The following OCA2 variants were observed in gnomAD, a reference collection of about 807,000 sequenced individuals.
OCA2 encodes P protein.
OCA2 carries 77 observed loss-of-function variants against 100.2 expected under a neutral mutation model. The ratio of observed to expected loss-of-function variants is 0.77; its 90% CI spans 0.64 to 0.93. The LOEUF is 0.93. Among genes scored for constraint, OCA2 ranks in the 40% least tolerant of loss-of-function variants. The pLI is 0.00. For missense variants in OCA2, 1,062 were observed against 1,089.1 expected, an observed-to-expected ratio of 0.98 and a Z score of 0.35; for synonymous variants, 432 against 439.2, an observed-to-expected ratio of 0.98 and a Z score of 0.21.
intron 4 of OCA2, 80 bp downstream of exon 4, chr15:28,027,791 G>C: frequency 1.4e-6 from 2 of 1,430,946 alleles, no homozygotes; most frequent in Non-Finnish European, 1.9e-6. Flanking sequence ...CACGCTGCTG[G>C]TTTGAAAGAT....
intron 22 of OCA2, among the ~76,000 whole-genome samples, chr15:27,847,345 T>C (rs2035575366): frequency 6.6e-6 from 1 of 152,022 alleles, no homozygotes; most frequent in Non-Finnish European, 1.5e-5. Context: ...TCTCGGCCTC[T>C]CCCTCCCCTC....
At chr15:27,814,885 TAGATAG>T (rs2034221061) in intron 23 of OCA2, among the ~76,000 whole-genome samples, 17 of 32,986 alleles carry the variant, frequency 5.2e-4, no homozygotes, top group Admixed American at 4.3e-3. Context: ...TCTCTCTCTA[TAGATAG>T]ATAGATAGAT....
intron 19 of OCA2, among the ~76,000 whole-genome samples, chr15:27,897,477 G>A (rs920796404): frequency 6.6e-6 from 1 of 152,238 alleles, no homozygotes; most frequent in Non-Finnish European, 1.5e-5. Flanking sequence ...GCTTCAGACA[G>A]TGGAAGCCCC....
chr15:28,017,322 G>C lies in OCA2; in HGVS notation c.807+1075C>G, dbSNP rs2042428462. Among the ~76,000 whole-genome samples the C allele has an allele frequency of 2.0e-5, 3 of 152,130 alleles. No homozygotes were observed. The South Asian group carries it at 6.2e-4, about 32-fold the overall frequency. ...TTTGGGTGCATCAGCATGTTAGGAA[G>C]GGCCACCCCAAGAGAGCAGGGAGGT... On this transcript the variant is annotated intron_variant, in intron 7 of 23. Coordinates refer to ENST00000354638, the MANE Select transcript of OCA2 (RefSeq NM_000275.3).
chr15:27,843,054 T>A (rs1437358416), intron 23 of OCA2, among the ~76,000 whole-genome samples: 1 of 152,008 alleles, frequency 6.6e-6, no homozygotes, highest in Non-Finnish European at 1.5e-5. Flanking sequence ...ACCTTCTTTT[T>A]AAAAAAATAC....
chr15:28,044,498 A>G (rs934453644), intron 2 of OCA2, among the ~76,000 whole-genome samples: 2 of 152,236 alleles, frequency 1.3e-5, no homozygotes, highest in Admixed American at 1.3e-4. Context: ...GACTCGTCAC[A>G]GTGAATAATA....
intron 23 of OCA2, among the ~76,000 whole-genome samples, chr15:27,838,086 C>T (rs1007908417): frequency 7.2e-5 from 11 of 152,164 alleles, no homozygotes; most frequent in Admixed American, 7.2e-4. Flanking sequence ...AATACGGAAG[C>T]TGGTAAAGAT....
chr15:27,770,584 C>T (rs1449205254), intron 23 of OCA2, among the ~76,000 whole-genome samples: 1 of 151,962 alleles, frequency 6.6e-6, no homozygotes, highest in East Asian at 1.9e-4. Flanking sequence ...GCACGGTGCC[C>T]AGCGCAGCTG....
At chr15:27,774,302 G>A (rs1259455412) in intron 23 of OCA2, among the ~76,000 whole-genome samples, 3 of 152,236 alleles carry the variant, frequency 2.0e-5, no homozygotes, top group Non-Finnish European at 4.4e-5. Flanking sequence ...GTGAGGAAGA[G>A]AGTCCATGTT....
In OCA2 at chr15:27,955,364, T is replaced by C. The variant is rs569738686; in HGVS notation, c.1785-149A>G. 19 of 712,530 alleles carry C rather than the reference T, an allele frequency of 2.7e-5. 1 individual carries two copies. The South Asian group carries it at 2.7e-4, about 10-fold the overall frequency. The allele number at this position is 712,530 out of a possible 1,614,324, so 44.1% of individuals were successfully genotyped here. A position where few individuals can be genotyped will look rare whatever the true frequency, so the allele number is the denominator to read the frequency against. ...CTAGTCATGGGGGGCCGGTGGGGCT[T>C]CATTTGTTGGCTGGAAAAGGTGCTC... On this transcript the variant is annotated intron_variant, in intron 16 of 23. Coordinates refer to ENST00000354638, the MANE Select transcript of OCA2 (RefSeq NM_000275.3).
chr15:27,801,471 G>A (rs751615934), intron 23 of OCA2, among the ~76,000 whole-genome samples: 1 of 142,624 alleles, frequency 7.0e-6, no homozygotes, highest in Non-Finnish European at 1.5e-5. Context: ...AGATTCGCTT[G>A]AAGCCAGGAG....
intron 1 of OCA2, among the ~76,000 whole-genome samples, chr15:28,096,098 A>G (rs1437945632): frequency 6.7e-6 from 1 of 148,774 alleles, no homozygotes; most frequent in East Asian, 2.0e-4. Context: ...AAAGGCGTCA[A>G]TGTGTCTCCG....
In OCA2 at chr15:28,081,847, G is replaced by T; in HGVS notation, c.28C>A (p.Arg10=). 1 of 1,611,160 alleles carries T rather than the reference G, an allele frequency of 6.2e-7. No homozygotes were observed. Among genetic ancestry groups the T allele is most frequent in the Non-Finnish European group, 8.5e-7 (1 of 1,179,690 alleles). Residue 10 remains arginine (R), a synonymous_variant, in exon 2 of 24, where the codon CGG becomes AGG. Coordinates refer to ENST00000354638, the MANE Select transcript of OCA2 (RefSeq NM_000275.3). ...TCCACCGCCGGCGCGCCGGGGTACCGCCTGCCGTCTCTGCCCTCCAGATGC... is the reference window on the plus strand; with the variant it reads ...TCCACCGCCGGCGCGCCGGGGTACCTCCTGCCGTCTCTGCCCTCCAGATGC... MHLEGRDGR[R]YPGAPAVELL... is the part of the protein sequence containing the mutation.
chr15:28,081,900 G>A lies in OCA2; in HGVS notation c.-21-5C>T, dbSNP rs1333200990. ...GCTCCACTGCCAGTCTTCTCTCTAG[G>A]GCAGCCAGAAAGAAACCACTCTTCA... On this transcript the variant is annotated splice_polypyrimidine_tract_variant and splice_region_variant and intron_variant, in intron 1 of 23. Coordinates refer to ENST00000354638, the MANE Select transcript of OCA2 (RefSeq NM_000275.3). 6.3e-6 allele frequency: 10 copies of A among 1,596,224 alleles called. No individual in the cohort carries two copies. The highest frequency in any genetic ancestry group is 1.7e-5 in the Admixed American group (1 of 58,608).
intron 21 of OCA2, among the ~76,000 whole-genome samples, chr15:27,859,711 C>T (rs1334097494): frequency 6.6e-6 from 1 of 152,142 alleles, no homozygotes; most frequent in Non-Finnish European, 1.5e-5. Flanking sequence ...GACAAAGCCA[C>T]TACAAGAAAA....
At chr15:27,864,124 G>A (rs8025351) in intron 21 of OCA2, among the ~76,000 whole-genome samples, 2,389 of 152,120 alleles carry the variant, frequency 0.016, 55 homozygotes, top group African/African-American at 0.05. Flanking sequence ...GCACCTGTCC[G>A]GGGCAGACTT....
chr15:27,779,387 T>C (rs900278846), intron 23 of OCA2, among the ~76,000 whole-genome samples: 10 of 152,248 alleles, frequency 6.6e-5, no homozygotes, highest in African/African-American at 2.2e-4. Flanking sequence ...TAAGTATTGC[T>C]GTCTGTGTCT....
At chr15:27,847,339 G>C (rs1305531330) in intron 22 of OCA2, among the ~76,000 whole-genome samples, 1 of 152,158 alleles carries the variant, frequency 6.6e-6, no homozygotes, top group Non-Finnish European at 1.5e-5. Flanking sequence ...CACTGTTCTC[G>C]GCCTCTCCCT....
chr15:27,803,114 A>G (rs2033680669), intron 23 of OCA2, among the ~76,000 whole-genome samples: 1 of 152,248 alleles, frequency 6.6e-6, no homozygotes, highest in Non-Finnish European at 1.5e-5. Context: ...CACTTTATCA[A>G]AGGAGAAATA....
Sources: allele counts gnomAD v4.1 joint callset (sites outside exome capture counted in the v4.1 genomes callset), GRCh38; gene constraint gnomAD v4.1.1; transcripts MANE v1.5; gene names NCBI Gene and HGNC (gene_info 2026-07-23, HGNC 2026-07-21).